CERK: variants seen among roughly 807,000 people sequenced by gnomAD.
CERK encodes the protein ceramide kinase.
CERK carries 39 observed loss-of-function variants against 63.4 expected under a neutral mutation model. That is an observed-to-expected ratio of 0.61 (90% CI 0.48 to 0.80). The LOEUF is 0.80. Among genes scored for constraint, CERK ranks in the 30% least tolerant of loss-of-function variants. The pLI is 0.00. For missense variants in CERK, 670 were observed against 714.1 expected, an observed-to-expected ratio of 0.94 and a Z score of 0.70; for synonymous variants, 302 against 280.0, an observed-to-expected ratio of 1.08 and a Z score of -0.78.
At chr22:46,730,196 T>C (rs574029424) in intron 1 of CERK, among the ~76,000 whole-genome samples, 4 of 151,084 alleles carry the variant, frequency 2.6e-5, no homozygotes, top group Non-Finnish European at 5.9e-5. Flanking sequence ...GGCGGGCAGA[T>C]TGCCTGAGCT....
At chr22:46,718,925 A>G (rs2082878807) in intron 3 of CERK, among the ~76,000 whole-genome samples, 1 of 152,044 alleles carries the variant, frequency 6.6e-6, no homozygotes, top group Admixed American at 6.5e-5. Flanking sequence ...AAAATTAGCC[A>G]GGCGTGGTGG....
intron 1 of CERK, among the ~76,000 whole-genome samples, chr22:46,721,321 C>A (rs1174805063): frequency 3.3e-5 from 5 of 151,992 alleles, no homozygotes; most frequent in Non-Finnish European, 7.4e-5. Context: ...GAGACAGAGT[C>A]TCACGCTGTC....
chr22:46,728,262 T>C (rs867511628), intron 1 of CERK, among the ~76,000 whole-genome samples: 3 of 152,124 alleles, frequency 2.0e-5, no homozygotes, highest in Admixed American at 6.5e-5. Flanking sequence ...CCAGGGACCG[T>C]ACGGTGCCTC....
chr22:46,737,569 A>G (rs2082981109), intron 1 of CERK, among the ~76,000 whole-genome samples: 1 of 152,238 alleles, frequency 6.6e-6, no homozygotes, highest in African/African-American at 2.4e-5. Flanking sequence ...GGCGCCTCTC[A>G]GGTTTCGGAT....
At chr22:46,716,521 G>A (rs1046799990) in intron 3 of CERK, among the ~76,000 whole-genome samples, 2 of 147,416 alleles carry the variant, frequency 1.4e-5, no homozygotes, top group African/African-American at 2.6e-5. Context: ...AAAAAAATAC[G>A]AGATTGAAAA....
chr22:46,725,187 C>T (rs9627546), intron 1 of CERK, among the ~76,000 whole-genome samples: 4,523 of 152,146 alleles, frequency 0.03, 227 homozygotes, highest in African/African-American at 0.1. Context: ...CTCCTCACCT[C>T]GGTGTGTCAT....
intron 4 of CERK, 105 bp downstream of exon 4, chr22:46,712,063 G>A: frequency 1.5e-6 from 2 of 1,309,908 alleles, no homozygotes; most frequent in Non-Finnish European, 2.1e-6. Context: ...CTCCAGCCTG[G>A]GCAACAGAGT....
At chr22:46,702,010 G>A (rs965137908) in intron 6 of CERK, among the ~76,000 whole-genome samples, 8 of 151,948 alleles carry the variant, frequency 5.3e-5, no homozygotes, top group African/African-American at 1.4e-4. Flanking sequence ...GTGAAACTCC[G>A]ACTCTACTAA....
intron 11 of CERK, 75 bp from the exon 12 acceptor site, chr22:46,690,275 C>A (rs2082723944): frequency 1.6e-6 from 2 of 1,243,012 alleles, no homozygotes; most frequent in Admixed American, 4.4e-5. Flanking sequence ...ACACCCCAGG[C>A]CTGACAGCGA....
Position 46,685,498 on chromosome 22 carries a change from G to T in CERK, c.*1636C>A. The T allele has an allele frequency of 6.6e-6, 1 of 151,518 alleles. No homozygotes were observed. 9.4% of individuals were successfully genotyped at this position (151,518 alleles called of 1,614,324 possible). A position where few individuals can be genotyped will look rare whatever the true frequency, so the allele number is the denominator to read the frequency against. On this transcript the variant is annotated 3_prime_UTR_variant, in exon 13 of 13. Coordinates refer to ENST00000216264, the MANE Select transcript of CERK (RefSeq NM_022766.6). ...CGTGACACCAGGCACACTGCCGGCT[G>T]CACAGGTTGCTGGGCACAGGCAGGC...
intron 3 of CERK, among the ~76,000 whole-genome samples, chr22:46,715,002 T>TCATA (rs1316457113): frequency 6.7e-6 from 1 of 148,368 alleles, no homozygotes; most frequent in African/African-American, 2.5e-5. Flanking sequence ...AAAAAGAAAG[T>TCATA]CATACAGTCA....
At chr22:46,724,815 C>G (rs530955083) in intron 1 of CERK, among the ~76,000 whole-genome samples, 26 of 152,158 alleles carry the variant, frequency 1.7e-4, no homozygotes, top group East Asian at 9.6e-4. Flanking sequence ...GTCAGGAGAT[C>G]GAGACCACCC....
chr22:46,691,712 A>G lies in CERK; in HGVS notation c.1192T>C (p.Cys398Arg). 1 of 1,613,908 alleles carries G rather than the reference A, an allele frequency of 6.2e-7. No individual in the cohort carries two copies. Among genetic ancestry groups the G allele is most frequent in the East Asian group, 2.2e-5 (1 of 44,882 alleles). The change falls in exon 11 of 13, where the codon TGT becomes CGT. Residue 398 changes from cysteine (C) to arginine (R), a missense_variant. By Grantham distance (180) the Cys-to-Arg change is radical. Transcript: ENST00000216264. ...FLAINATNMS[C>R]ACRRSPRGLS... ...CCCCTGGGGCTCCGGCGACAAGCAC[A>G]GGACATGTTTGTGGCATTGATGGCC...
chr22:46,725,377 GACC>G (rs1053494201), intron 1 of CERK, among the ~76,000 whole-genome samples: 8 of 152,154 alleles, frequency 5.3e-5, no homozygotes, highest in Admixed American at 3.9e-4. Flanking sequence ...ACGGCAGTGG[GACC>G]ACCGAGGGCT....
intron 1 of CERK, among the ~76,000 whole-genome samples, chr22:46,736,589 C>T (rs1601735776): frequency 6.6e-6 from 1 of 152,228 alleles, no homozygotes; most frequent in East Asian, 1.9e-4. Context: ...AGGTCAGGCA[C>T]CTGTTCTCCT....
chr22:46,731,572 T>C (rs1366725595), intron 1 of CERK, among the ~76,000 whole-genome samples: 1 of 152,058 alleles, frequency 6.6e-6, no homozygotes, highest in Non-Finnish European at 1.5e-5. Flanking sequence ...TACTGCAAAA[T>C]AACCAGTGCT....
intron 5 of CERK, among the ~76,000 whole-genome samples, chr22:46,708,803 C>A (rs894572282): frequency 1.3e-5 from 2 of 152,050 alleles, no homozygotes; most frequent in African/African-American, 4.8e-5. Context: ...CTATAGCCTA[C>A]GGCAGCCCAA....
intron 1 of CERK, among the ~76,000 whole-genome samples, chr22:46,732,552 T>C (rs1485215654): frequency 6.6e-6 from 1 of 151,414 alleles, no homozygotes; most frequent in Non-Finnish European, 1.5e-5. Context: ...GGATAGATAA[T>C]CAAAAATGGA....
intron 1 of CERK, 95 bp downstream of exon 1, chr22:46,737,912 C>T (rs2082983446): frequency 1.1e-6 from 1 of 925,976 alleles, no homozygotes; most frequent in Non-Finnish European, 1.4e-6. Flanking sequence ...ACCACAGCCG[C>T]TCGCTCCCTG....
Sources: gnomAD v4.1 joint callset for allele counts (sites outside exome capture counted in the v4.1 genomes callset) on GRCh38, gnomAD v4.1.1 for gene constraint, MANE v1.5 for transcripts, NCBI Gene and HGNC (gene_info 2026-07-23, HGNC 2026-07-21) for gene names.